Variants in PDCD1LG2 observed in about 807,000 individuals in gnomAD.
PDCD1LG2 encodes B7 dendritic cell molecule.
In PDCD1LG2, 32 loss-of-function variants were observed where a neutral mutation model predicts 28.2. The ratio of observed to expected loss-of-function variants is 1.13; its 90% CI spans 0.86 to 1.52. The LOEUF is 1.52. PDCD1LG2 is among the 40% of genes most tolerant of loss of function. The probability of loss-of-function intolerance (pLI) is 0.00; values close to 1 mark genes in which losing one functional copy is unlikely to be tolerated. For missense variants in PDCD1LG2, 385 were observed against 323.8 expected, an observed-to-expected ratio of 1.19 and a Z score of -1.45; for synonymous variants, 116 against 120.2, an observed-to-expected ratio of 0.97 and a Z score of 0.23.
intron 2 of PDCD1LG2, among the ~76,000 whole-genome samples, chr9:5,522,879 T>C (rs1434616742): frequency 6.6e-6 from 1 of 152,150 alleles, no homozygotes; most frequent in Non-Finnish European, 1.5e-5. Context: ...ACTCAGACCA[T>C]GTAAATCTAA....
intron 2 of PDCD1LG2, among the ~76,000 whole-genome samples, chr9:5,526,917 G>C (rs1483517981): frequency 3.3e-5 from 5 of 151,508 alleles, no homozygotes; most frequent in African/African-American, 1.2e-4. Context: ...CTTCCCTGTT[G>C]GTAGACATTA....
chr9:5,541,283 T>A (rs958375890), intron 3 of PDCD1LG2, among the ~76,000 whole-genome samples: 1 of 152,160 alleles, frequency 6.6e-6, no homozygotes, highest in Admixed American at 6.5e-5. Context: ...GTTGAAAGCA[T>A]TTTCCCTGAG....
intron 2 of PDCD1LG2, among the ~76,000 whole-genome samples, chr9:5,530,757 G>T (rs139017585): frequency 5.5e-4 from 84 of 152,332 alleles, no homozygotes; most frequent in African/African-American, 1.9e-3. Flanking sequence ...CTGACTTACT[G>T]TGTTTAAGAA....
At chr9:5,512,406 G>A (rs1820079025) in intron 1 of PDCD1LG2, among the ~76,000 whole-genome samples, 1 of 152,142 alleles carries the variant, frequency 6.6e-6, no homozygotes, top group Non-Finnish European at 1.5e-5. Context: ...CCAGTTCTTA[G>A]TCTTCACGGC....
At position 5,569,017 on chromosome 9, in the gene PDCD1LG2, G is replaced by A. The variant is rs1415033032; in HGVS notation, c.817-937G>A. On this transcript the variant is annotated intron_variant, in intron 6 of 6. Coordinates refer to ENST00000397747, the MANE Select transcript of PDCD1LG2 (RefSeq NM_025239.4). This position sits in a 1 kb window ranked among gnomAD's most constrained non-coding sequence, Gnocchi z 4.1. ...AGATAGAGGAGACACTAACAGGAAA[G>A]GCAGAGAGGCAGGAAGGTGTGGGAA... Among the ~76,000 whole-genome samples the A allele has an allele frequency of 6.6e-6, 1 of 152,206 alleles. No homozygotes were observed. The highest frequency in any genetic ancestry group is 1.5e-5 in the Non-Finnish European group (1 of 68,038).
intron 1 of PDCD1LG2, among the ~76,000 whole-genome samples, chr9:5,521,965 C>T (rs976909659): frequency 1.3e-5 from 2 of 152,186 alleles, no homozygotes; most frequent in East Asian, 3.8e-4. Flanking sequence ...AGCCAGTTCC[C>T]TACTCTCCCT....
chr9:5,518,681 G>C (rs964954863), intron 1 of PDCD1LG2, among the ~76,000 whole-genome samples: 1 of 152,178 alleles, frequency 6.6e-6, no homozygotes, highest in Non-Finnish European at 1.5e-5. Context: ...AGCTCACTGA[G>C]GACCTTACAT....
intron 2 of PDCD1LG2, among the ~76,000 whole-genome samples, chr9:5,529,775 A>G (rs1287344039): frequency 1.3e-5 from 2 of 152,160 alleles, no homozygotes; most frequent in East Asian, 1.9e-4. Context: ...CACTTCGCCT[A>G]TCTTTAGATC....
intron 3 of PDCD1LG2, among the ~76,000 whole-genome samples, chr9:5,539,938 T>C (rs181627515): frequency 4.4e-4 from 67 of 152,322 alleles, no homozygotes; most frequent in Admixed American, 1.0e-3. Context: ...TCGCAGAATA[T>C]ACATTCTATT....
intron 1 of PDCD1LG2, among the ~76,000 whole-genome samples, chr9:5,516,824 G>A (rs1413511647): frequency 1.3e-5 from 2 of 152,222 alleles, no homozygotes; most frequent in African/African-American, 4.8e-5. Flanking sequence ...CCAGGAGTGG[G>A]AAGAGGCCAG....
At chr9:5,546,878 G>T (rs1156750813) in intron 3 of PDCD1LG2, among the ~76,000 whole-genome samples, 1 of 152,200 alleles carries the variant, frequency 6.6e-6, no homozygotes, top group South Asian at 2.1e-4. Context: ...TGACCACATG[G>T]AGACGAGAAC....
chr9:5,565,180 A>G (rs548896039), intron 6 of PDCD1LG2, among the ~76,000 whole-genome samples: 51 of 152,218 alleles, frequency 3.4e-4, no homozygotes, highest in African/African-American at 1.2e-3. Flanking sequence ...CTTTTTTAAA[A>G]TTTAATTCAA....
chr9:5,525,015 C>T (rs1022310042), intron 2 of PDCD1LG2, among the ~76,000 whole-genome samples: 1 of 152,078 alleles, frequency 6.6e-6, no homozygotes, highest in Admixed American at 6.6e-5. Flanking sequence ...ATGCTTAGTA[C>T]CCTATCAGTG....
intron 3 of PDCD1LG2, among the ~76,000 whole-genome samples, chr9:5,540,923 C>A (rs1321409848): frequency 2.0e-5 from 3 of 152,128 alleles, no homozygotes; most frequent in African/African-American, 7.2e-5. Flanking sequence ...AAGAAAACTA[C>A]AGGCCAGTAT....
chr9:5,510,747 C>G lies in PDCD1LG2; in HGVS notation c.-71C>G, dbSNP rs1439633857. On this transcript the variant is annotated 5_prime_UTR_variant, in exon 1 of 7. Coordinates refer to ENST00000397747, the MANE Select transcript of PDCD1LG2 (RefSeq NM_025239.4). Reference sequence around the variant, plus strand: ...TAAGGAAATCTAACACAAACAGCAACTGTTTTTTGTTGTTTACTTTTGCAT... The same window carrying G: ...TAAGGAAATCTAACACAAACAGCAAGTGTTTTTTGTTGTTTACTTTTGCAT... 1 of 152,624 alleles carries G rather than the reference C, an allele frequency of 6.6e-6. No homozygotes were observed. Among genetic ancestry groups the G allele is most frequent in the Non-Finnish European group, 1.5e-5 (1 of 68,046 alleles). 9.5% of individuals were successfully genotyped at this position (152,624 alleles called of 1,614,324 possible).
At chr9:5,525,507 A>G (rs1456341594) in intron 2 of PDCD1LG2, among the ~76,000 whole-genome samples, 4 of 151,508 alleles carry the variant, frequency 2.6e-5, no homozygotes, top group African/African-American at 9.7e-5. Context: ...TGCAGAATAT[A>G]TATTATATAT....
At chr9:5,551,331 C>G (rs1816327193) in intron 4 of PDCD1LG2, among the ~76,000 whole-genome samples, 1 of 152,178 alleles carries the variant, frequency 6.6e-6, no homozygotes, top group Non-Finnish European at 1.5e-5. Context: ...GCTGGTAAGA[C>G]AGAGCCTATG....
At chr9:5,525,509 A>G (rs975719739) in intron 2 of PDCD1LG2, among the ~76,000 whole-genome samples, 1 of 151,510 alleles carries the variant, frequency 6.6e-6, no homozygotes, top group Non-Finnish European at 1.5e-5. Context: ...CAGAATATAT[A>G]TTATATATAT....
intron 5 of PDCD1LG2, among the ~76,000 whole-genome samples, chr9:5,558,207 G>C (rs530709931): frequency 1.4e-4 from 22 of 152,280 alleles, no homozygotes; most frequent in Admixed American, 4.6e-4. Context: ...CTCACGGTTG[G>C]GTAAGGAAAG....
Sources: allele counts gnomAD v4.1 joint callset (sites outside exome capture counted in the v4.1 genomes callset), GRCh38; gene constraint gnomAD v4.1.1; non-coding constraint Gnocchi (gnomAD v3.1); transcripts MANE v1.5; gene names NCBI Gene and HGNC (gene_info 2026-07-23, HGNC 2026-07-21).